WDR47: variants seen among roughly 807,000 people sequenced by gnomAD.
WDR47 encodes WD repeat-containing protein 47.
A neutral mutation model predicts 97.2 loss-of-function variants in WDR47; 32 were observed. That is an observed-to-expected ratio of 0.33 (90% CI 0.25 to 0.44). The LOEUF is 0.44. WDR47 is among the 20% of genes least tolerant of loss of function. WDR47 has a pLI of 1.00. For synonymous variants in WDR47, 375 were observed against 373.5 expected (o/e 1.00, Z -0.05); for missense variants, 782 against 1,102.3 (o/e 0.71, Z 4.11).
intron 3 of WDR47, among the ~76,000 whole-genome samples, chr1:109,015,760 G>T (rs1661367721): frequency 6.6e-6 from 1 of 151,170 alleles, no homozygotes; most frequent in Non-Finnish European, 1.5e-5. Flanking sequence ...GGCCAAGGTG[G>T]GTGGATCACG....
intron 8 of WDR47, chr1:108,992,821 T>G (rs1283847963): frequency 7.7e-6 from 12 of 1,551,316 alleles, no homozygotes; most frequent in Non-Finnish European, 1.1e-5. Context: ...AACAAAAACT[T>G]ATGGCACGGG....
At chr1:108,989,829 G>A (rs1480109502) in intron 9 of WDR47, among the ~76,000 whole-genome samples, 1 of 151,948 alleles carries the variant, frequency 6.6e-6, no homozygotes, top group Non-Finnish European at 1.5e-5. Flanking sequence ...CAAGTAGCTG[G>A]GATTACAGGC....
chr1:109,001,046 G>A (rs1423884389), intron 7 of WDR47, among the ~76,000 whole-genome samples: 1 of 152,072 alleles, frequency 6.6e-6, no homozygotes, highest in Non-Finnish European at 1.5e-5. Context: ...CGTAATCCCA[G>A]CACTTTGGGA....
chr1:108,983,514 T>A, intron 10 of WDR47, 63 bp from the exon 11 acceptor site: 2 of 1,380,004 alleles, frequency 1.4e-6, no homozygotes. Context: ...GTTATGAGGT[T>A]CCATATTATA....
intron 1 of WDR47, among the ~76,000 whole-genome samples, chr1:109,037,552 G>A (rs1201765428): frequency 6.6e-6 from 1 of 150,914 alleles, no homozygotes; most frequent in Non-Finnish European, 1.5e-5. Flanking sequence ...GCATGAACCT[G>A]GGAGGCGGAG....
intron 8 of WDR47, among the ~76,000 whole-genome samples, chr1:108,991,860 C>T (rs1261344931): frequency 6.6e-6 from 1 of 151,812 alleles, no homozygotes; most frequent in Non-Finnish European, 1.5e-5. Context: ...ACGGGGTCTC[C>T]CTATGTTGCC....
intron 1 of WDR47, among the ~76,000 whole-genome samples, chr1:109,032,238 G>A (rs1662649667): frequency 7.2e-6 from 1 of 139,364 alleles, no homozygotes; most frequent in Non-Finnish European, 1.6e-5. Context: ...CTGGCCAGGC[G>A]CAGTGGCTCA....
intron 1 of WDR47, among the ~76,000 whole-genome samples, chr1:109,029,144 T>C (rs1009106141): frequency 2.6e-5 from 4 of 152,212 alleles, no homozygotes; most frequent in African/African-American, 9.6e-5. Flanking sequence ...ATTACCATCT[T>C]AGTAAACCAA....
intron 7 of WDR47, among the ~76,000 whole-genome samples, chr1:109,000,363 G>A (rs1660086730): frequency 6.6e-6 from 1 of 151,762 alleles, no homozygotes. Flanking sequence ...ACAAAAATTA[G>A]CCAGGCATAG....
chr1:108,983,495 C>T, intron 10 of WDR47, 44 bp from the exon 11 acceptor site: 2 of 1,491,106 alleles, frequency 1.3e-6, no homozygotes, highest in Non-Finnish European at 1.8e-6. Flanking sequence ...TTCTTGCTTG[C>T]TACAATCAGT....
At chr1:109,007,712 G>A (rs1294597961) in intron 5 of WDR47, among the ~76,000 whole-genome samples, 1 of 152,140 alleles carries the variant, frequency 6.6e-6, no homozygotes, top group African/African-American at 2.4e-5. Flanking sequence ...TTATTATATA[G>A]AGAAGATAAC....
intron 5 of WDR47, among the ~76,000 whole-genome samples, chr1:109,007,102 T>C (rs1355817198): frequency 2.0e-5 from 3 of 150,184 alleles, no homozygotes; most frequent in African/African-American, 7.4e-5. Flanking sequence ...CATGCTTGGC[T>C]AATATTTTTG....
At chr1:109,020,270 T>C (rs1208008755) in intron 2 of WDR47, among the ~76,000 whole-genome samples, 2 of 150,892 alleles carry the variant, frequency 1.3e-5, no homozygotes, top group African/African-American at 2.4e-5. Context: ...AGAGTCTTGC[T>C]CTGTCGCCCA....
chr1:108,987,740 T>C (rs1658950307), intron 9 of WDR47, among the ~76,000 whole-genome samples: 1 of 151,622 alleles, frequency 6.6e-6, no homozygotes, highest in African/African-American at 2.4e-5. Flanking sequence ...AGTGCTGGGA[T>C]TACAGGCATG....
In WDR47 at chr1:108,992,475, G is replaced by T. The variant is rs1385523881; in HGVS notation, c.1692-1146C>A. 6 of 1,523,742 alleles carry T rather than the reference G, an allele frequency of 3.9e-6. No individual in the cohort carries two copies. In the African/African-American group the frequency reaches 6.8e-5, roughly 17 times the overall value. 94.4% of individuals were successfully genotyped at this position (1,523,742 alleles called of 1,614,324 possible). A position where few individuals can be genotyped will look rare whatever the true frequency, so the allele number is the denominator to read the frequency against. On this transcript the variant is annotated intron_variant, in intron 8 of 14. Transcript: ENST00000369962. ...TGTGTACCATTCCGACGTTACAATG[G>T]TGGAGTTGGCAGGTGTGCGCAGGCC...
chr1:108,973,558 T>C (rs889460424), intron 14 of WDR47, among the ~76,000 whole-genome samples: 21 of 152,356 alleles, frequency 1.4e-4, no homozygotes, highest in African/African-American at 4.8e-4. Flanking sequence ...GATTTTTTAA[T>C]GTAGAAGCTA....
chr1:108,976,766 G>GGACCTCCT, intron 13 of WDR47, among the ~76,000 whole-genome samples: 1 of 152,302 alleles, frequency 6.6e-6, no homozygotes, highest in South Asian at 2.1e-4. Context: ...CTAACCATGA[G>GGACCTCCT]AAGACAAGAG....
At position 109,011,070 on chromosome 1, in the gene WDR47, T is replaced by G; in HGVS notation, c.976A>C (p.Ser326Arg). The change falls in exon 5 of 15, where the codon AGT becomes CGT. Residue 326 changes from serine (S) to arginine (R), a missense_variant. Physicochemically the swap from Ser to Arg is moderately radical, Grantham distance 110. This residue lies in a region of WDR47 where 428 missense variants were observed against 584.3 expected (regional missense o/e 0.73). Transcript: ENST00000369962. Reference sequence around the variant, plus strand: ...AGGTCTGAAATTCTCTTATCATGACTGGTTAGTCCACAGGTGAGGCCATCT... The same window carrying G: ...AGGTCTGAAATTCTCTTATCATGACGGGTTAGTCCACAGGTGAGGCCATCT... Reference protein sequence around the residue: ...ALDGLTCGLTSHDKRISDLGN... With the variant: ...ALDGLTCGLTRHDKRISDLGN... 6.2e-7 allele frequency: 1 copy of G among 1,614,144 alleles called. No individual in the cohort carries two copies. Among genetic ancestry groups the G allele is most frequent in the Non-Finnish European group, 8.5e-7 (1 of 1,180,038 alleles).
intron 5 of WDR47, among the ~76,000 whole-genome samples, chr1:109,010,386 C>T (rs1484846890): frequency 6.6e-6 from 1 of 152,056 alleles, no homozygotes; most frequent in Non-Finnish European, 1.5e-5. Context: ...TGTGAAACCC[C>T]TTCTCTATCA....
Sources: gnomAD v4.1 joint callset for allele counts (sites outside exome capture counted in the v4.1 genomes callset) on GRCh38, gnomAD v4.1.1 for gene constraint, gnomAD v4.1.1 regional missense constraint, MANE v1.5 for transcripts, NCBI Gene and HGNC (gene_info 2026-07-23, HGNC 2026-07-21) for gene names.